Variants in TUSC3 observed in about 807,000 individuals in gnomAD.
TUSC3 encodes the protein dolichyl-diphosphooligosaccharide--protein glycosyltransferase subunit TUSC3.
In TUSC3, 45 loss-of-function variants were observed where a neutral mutation model predicts 44.8. The observed-to-expected ratio is 1.00, with a 90% CI of 0.79 to 1.29. The LOEUF is 1.29. Among genes scored for constraint, TUSC3 ranks in the 50% most tolerant of loss-of-function variants. TUSC3 has a pLI of 0.00. For synonymous variants in TUSC3, 212 were observed against 152.9 expected, an observed-to-expected ratio of 1.39 and a Z score of -2.85; for missense variants, 519 against 437.9, an observed-to-expected ratio of 1.19 and a Z score of -1.65.
At chr8:15,672,397 A>G (rs1056008807) in intron 5 of TUSC3, among the ~76,000 whole-genome samples, 9 of 152,068 alleles carry the variant, frequency 5.9e-5, no homozygotes, top group Admixed American at 2.6e-4. Context: ...AATGCTCTAC[A>G]TGGATTAACC....
In TUSC3 at chr8:15,433,878, CTA is replaced by C. The variant is rs1264038338; in HGVS notation, n.91+16576_91+16577del. 1.1e-3 allele frequency among the ~76,000 whole-genome samples: 161 copies of C among 152,084 alleles called. 2 individuals carry two copies. The highest frequency in any genetic ancestry group is 0.01 in the Admixed American group (160 of 15,266). ...GGGGGTCATTATTACAGAAATCAAG[CTA>C]TAAATATTTTATATACACATAAAAA... On this transcript the variant is annotated intron_variant and non_coding_transcript_variant, in intron 1 of 5. Transcript: ENST00000503191.
chr8:15,811,719 A>T, the TUSC3 span, among the ~76,000 whole-genome samples: 1 of 152,222 alleles, frequency 6.6e-6, no homozygotes, highest in Non-Finnish European at 1.5e-5. Flanking sequence ...AGGTGGCAGG[A>T]TAAATTGACT....
intron 1 of TUSC3, among the ~76,000 whole-genome samples, chr8:15,543,736 A>G (rs1005726792): frequency 6.6e-6 from 1 of 150,408 alleles, no homozygotes; most frequent in Non-Finnish European, 1.5e-5. Context: ...ATTTTTTTGA[A>G]TTGGTTTTTT....
intron 2 of TUSC3, among the ~76,000 whole-genome samples, chr8:15,519,106 C>T (rs1486570961): frequency 6.6e-6 from 1 of 152,148 alleles, no homozygotes; most frequent in Non-Finnish European, 1.5e-5. Context: ...CTGATATACA[C>T]ATCTACTGAC....
chr8:15,768,789 T>C (rs904328064), downstream of TUSC3, among the ~76,000 whole-genome samples: 2 of 151,638 alleles, frequency 1.3e-5, no homozygotes, highest in Non-Finnish European at 3.0e-5. Context: ...AATTTCTATA[T>C]CCCAATAACA....
At position 15,435,200 on chromosome 8, in the gene TUSC3, G is replaced by T. The variant is rs555748943; in HGVS notation, n.91+17895G>T. Among the ~76,000 whole-genome samples the T allele has an allele frequency of 6.0e-4, 91 of 151,374 alleles. 3 individuals carry two copies. The South Asian group carries it at 0.018, about 30-fold the overall frequency. On this transcript the variant is annotated intron_variant and non_coding_transcript_variant, in intron 1 of 5. Coordinates refer to the TUSC3 transcript ENST00000503191. ...CTCCACATCCTCTCCAGCACCTGTT[G>T]TTTCCTGACTTTTTAATGATCGCCA...
At chr8:15,706,634 C>T (rs1439942920) in intron 6 of TUSC3, among the ~76,000 whole-genome samples, 1 of 151,956 alleles carries the variant, frequency 6.6e-6, no homozygotes, top group Non-Finnish European at 1.5e-5. Context: ...GTAGCTCATA[C>T]TGAAATGTGG....
At chr8:15,523,588 C>A (rs1801326531) in intron 2 of TUSC3, among the ~76,000 whole-genome samples, 4 of 149,020 alleles carry the variant, frequency 2.7e-5, no homozygotes, top group Non-Finnish European at 4.4e-5. Context: ...GCCTTGCCGA[C>A]TTTCCAAATA....
chr8:15,703,726 A>G (rs1243968705), intron 6 of TUSC3, among the ~76,000 whole-genome samples: 1 of 152,088 alleles, frequency 6.6e-6, no homozygotes, highest in Non-Finnish European at 1.5e-5. Flanking sequence ...TAAATCATGG[A>G]AACTAATAGC....
At chr8:15,715,086 G>A (rs1382034783) in intron 6 of TUSC3, among the ~76,000 whole-genome samples, 1 of 151,966 alleles carries the variant, frequency 6.6e-6, no homozygotes, top group Non-Finnish European at 1.5e-5. Flanking sequence ...TACACCTCAA[G>A]GTTTCTTTTT....
the TUSC3 span, among the ~76,000 whole-genome samples, chr8:15,782,988 C>G: frequency 6.6e-6 from 1 of 151,926 alleles, no homozygotes; most frequent in Non-Finnish European, 1.5e-5. Context: ...CCAAAAAAAC[C>G]GTTATAACTA....
At chr8:15,420,056 A>G (rs1799718885) in intron 1 of TUSC3, among the ~76,000 whole-genome samples, 1 of 152,124 alleles carries the variant, frequency 6.6e-6, no homozygotes, top group Admixed American at 6.6e-5. Context: ...TAAATATATT[A>G]TTTTTGATGT....
chr8:15,615,257 C>T (rs145016227), intron 1 of TUSC3, among the ~76,000 whole-genome samples: 226 of 152,268 alleles, frequency 1.5e-3, no homozygotes, highest in African/African-American at 4.3e-3. Context: ...TGTATATACA[C>T]AATGGAATGT....
intron 6 of TUSC3, among the ~76,000 whole-genome samples, chr8:15,724,446 CAG>C (rs1346985667): frequency 6.6e-6 from 1 of 152,086 alleles, no homozygotes; most frequent in East Asian, 1.9e-4. Flanking sequence ...AGATGAATTT[CAG>C]AGATAGGTTC....
intron 1 of TUSC3, among the ~76,000 whole-genome samples, chr8:15,563,865 A>G (rs753238454): frequency 7.9e-5 from 12 of 152,054 alleles, no homozygotes; most frequent in Non-Finnish European, 1.8e-4. Flanking sequence ...TTGTAGTCTC[A>G]GAATACCTAT....
intron 1 of TUSC3, among the ~76,000 whole-genome samples, chr8:15,424,255 T>C (rs1020375935): frequency 6.6e-6 from 1 of 151,726 alleles, no homozygotes. Context: ...CAAAGTGGCA[T>C]TCATACTTTA....
chr8:15,663,863 G>A (rs1470030530), intron 5 of TUSC3, among the ~76,000 whole-genome samples: 1 of 151,798 alleles, frequency 6.6e-6, no homozygotes, highest in African/African-American at 2.4e-5. Context: ...TAAAAATGCA[G>A]TACTTTCACT....
At chr8:15,689,548 G>C (rs1477204) in intron 6 of TUSC3, 142,057 of 165,938 alleles carry the variant, frequency 0.86, 61,246 homozygotes, top group Non-Finnish European at 0.89. Context: ...CCGAAGGGAT[G>C]TTGCTCAGCC....
At chr8:15,423,009 G>A (rs1799756765) in intron 1 of TUSC3, among the ~76,000 whole-genome samples, 1 of 152,042 alleles carries the variant, frequency 6.6e-6, no homozygotes, top group Non-Finnish European at 1.5e-5. Context: ...TGTTGTAAAT[G>A]ATAAATATAT....
Sources: allele counts gnomAD v4.1 joint callset (sites outside exome capture counted in the v4.1 genomes callset), GRCh38; gene constraint gnomAD v4.1.1; transcripts MANE v1.5; gene names NCBI Gene and HGNC (gene_info 2026-07-23, HGNC 2026-07-21).